MAP2K5: variants seen among roughly 807,000 people sequenced by gnomAD.
The protein encoded by MAP2K5 is mitogen-activated protein kinase kinase 5, also known as dual specificity mitogen-activated protein kinase kinase 5.
In MAP2K5, 49 loss-of-function variants were observed where a neutral mutation model predicts 83.1. The ratio of observed to expected loss-of-function variants is 0.59; its 90% CI spans 0.47 to 0.75. The LOEUF is 0.75. MAP2K5 is among the 30% of genes least tolerant of loss of function. MAP2K5 has a pLI of 0.00. For synonymous variants in MAP2K5, 202 were observed against 191.8 expected, an observed-to-expected ratio of 1.05 and a Z score of -0.44; for missense variants, 457 against 557.5, an observed-to-expected ratio of 0.82 and a Z score of 1.82.
intron 17 of MAP2K5, among the ~76,000 whole-genome samples, chr15:67,741,981 G>A (rs1188265829): frequency 6.6e-6 from 1 of 150,716 alleles, no homozygotes; most frequent in African/African-American, 2.4e-5. Context: ...TGCAAACTCT[G>A]CCTCCCAGGT....
intron 16 of MAP2K5, among the ~76,000 whole-genome samples, chr15:67,704,699 C>T (rs1739058752): frequency 1.3e-5 from 2 of 152,170 alleles, no homozygotes; most frequent in South Asian, 4.1e-4. Context: ...GTGGTCAGAT[C>T]TCAGAACTGA....
In MAP2K5 at chr15:67,587,894, A is replaced by G. The variant is rs538225778; in HGVS notation, c.431+981A>G. 3.3e-5 allele frequency among the ~76,000 whole-genome samples: 5 copies of G among 152,182 alleles called. No homozygotes were observed. The highest frequency in any genetic ancestry group is 2.6e-4 in the Admixed American group (4 of 15,286). ...CACTTGTGGGTTCTACCTTCTGAGT[A>G]GCTCTGCGTCTTTCTACTCGCCAGC... On this transcript the variant is annotated intron_variant, in intron 6 of 21. Coordinates refer to ENST00000178640, the MANE Select transcript of MAP2K5 (RefSeq NM_145160.3). The surrounding 1 kb of genome is among the most constrained non-coding windows in gnomAD (Gnocchi z 4.8).
chr15:67,674,021 G>C (rs1216765726), intron 13 of MAP2K5, among the ~76,000 whole-genome samples: 4 of 152,016 alleles, frequency 2.6e-5, no homozygotes, highest in Non-Finnish European at 5.9e-5. Flanking sequence ...GCTAATTTTT[G>C]TATTTTTAGT....
At chr15:67,732,791 G>A (rs1028418697) in intron 17 of MAP2K5, among the ~76,000 whole-genome samples, 9 of 151,996 alleles carry the variant, frequency 5.9e-5, no homozygotes, top group South Asian at 2.1e-4. Flanking sequence ...TGTAGTGATC[G>A]TACTTCCGGA....
chr15:67,772,228 C>T (rs551777147), intron 20 of MAP2K5, among the ~76,000 whole-genome samples: 10 of 152,178 alleles, frequency 6.6e-5, no homozygotes, highest in African/African-American at 2.4e-4. Context: ...TACTTCTTGT[C>T]ATTCGGAGTA....
intron 13 of MAP2K5, among the ~76,000 whole-genome samples, chr15:67,687,862 T>C (rs1183514023): frequency 1.3e-5 from 2 of 151,976 alleles, no homozygotes; most frequent in East Asian, 1.9e-4. Context: ...TATGCATTCA[T>C]GGAGCTTCCC....
chr15:67,545,211 C>T (rs2084367340), intron 1 of MAP2K5, among the ~76,000 whole-genome samples: 1 of 152,198 alleles, frequency 6.6e-6, no homozygotes, highest in African/African-American at 2.4e-5. Flanking sequence ...TCTGTGTCGT[C>T]ACAGCTTTGT....
At position 67,665,950 on chromosome 15, in the gene MAP2K5, C is replaced by T. The variant is rs940311033; in HGVS notation, c.847+1305C>T. Among the ~76,000 whole-genome samples, 3 of 152,110 alleles carry T rather than the reference C, an allele frequency of 2.0e-5. No homozygotes were observed. Among genetic ancestry groups the T allele is most frequent in the African/African-American group, 4.8e-5 (2 of 41,428 alleles). On this transcript the variant is annotated intron_variant, in intron 13 of 21. Coordinates refer to ENST00000178640, the MANE Select transcript of MAP2K5 (RefSeq NM_145160.3). This position sits in a 1 kb window ranked among gnomAD's most constrained non-coding sequence, Gnocchi z 4.2. ...TTTCTATTCCCTGTACTCCTACCTC[C>T]GCACACCCAGCTACCGGTAAAGTGG... is the stretch of plus-strand genomic sequence containing the variant.
At position 67,548,174 on chromosome 15, in the gene MAP2K5, G is replaced by A. The variant is rs2583593; in HGVS notation, c.136-1860G>A. Reference sequence around the variant, plus strand: ...GTCTGCTATTCCTAAGTAGGAAGGAGCCTAAATTAATTTGCTAACACTATA... The same window carrying A: ...GTCTGCTATTCCTAAGTAGGAAGGAACCTAAATTAATTTGCTAACACTATA... On this transcript the variant is annotated intron_variant, in intron 1 of 21. Transcript: ENST00000178640. Among the ~76,000 whole-genome samples, 1,141 of 152,294 alleles carry A rather than the reference G, an allele frequency of 7.5e-3. 12 individuals carry two copies. The highest frequency in any genetic ancestry group is 0.024 in the African/African-American group (1,009 of 41,558).
At chr15:67,771,675 A>T (rs558515713) in intron 20 of MAP2K5, among the ~76,000 whole-genome samples, 4 of 152,286 alleles carry the variant, frequency 2.6e-5, no homozygotes, top group Non-Finnish European at 5.9e-5. Context: ...GCATATGGTT[A>T]TTTATAGGGA....
At chr15:67,754,068 A>G (rs1297737129) in intron 19 of MAP2K5, among the ~76,000 whole-genome samples, 2 of 152,206 alleles carry the variant, frequency 1.3e-5, no homozygotes, top group Non-Finnish European at 2.9e-5. Flanking sequence ...CACATATTCT[A>G]TGAAATGTCC....
rs958954908 is a variant in MAP2K5 at position 67,592,065 on chromosome 15, C to T, written c.432-861C>T. 2.4e-4 allele frequency among the ~76,000 whole-genome samples: 34 copies of T among 143,210 alleles called. 1 individual carries two copies. Among genetic ancestry groups the T allele is most frequent in the African/African-American group, 7.0e-4 (27 of 38,640 alleles). The allele number at this position is 143,210 out of a possible 152,430, so 94.0% of individuals were successfully genotyped here. ...GGTGGAGGTTGTGGTGAGCCGAGAT[C>T]GCACCATTGTACTTTGCACTCCAGT... On this transcript the variant is annotated intron_variant, in intron 6 of 21. Coordinates refer to ENST00000178640, the MANE Select transcript of MAP2K5 (RefSeq NM_145160.3).
rs781007560 is a variant in MAP2K5 at position 67,764,254 on chromosome 15, C to G, written c.1135-5348C>G. On this transcript the variant is annotated intron_variant, in intron 19 of 21. Transcript: ENST00000178640. The surrounding 1 kb of genome is among the most constrained non-coding windows in gnomAD (Gnocchi z 4.9). ...GTATGCATAAGGTTTGAAGGAATGTCTGTTTTGTATAAGGAGAAGGGAACA... is the reference window on the plus strand; with the variant it reads ...GTATGCATAAGGTTTGAAGGAATGTGTGTTTTGTATAAGGAGAAGGGAACA... Among the ~76,000 whole-genome samples the G allele has an allele frequency of 2.0e-5, 3 of 152,200 alleles. No individual in the cohort carries two copies. The highest frequency in any genetic ancestry group is 4.4e-5 in the Non-Finnish European group (3 of 68,040).
At chr15:67,721,334 G>A (rs752389469) in intron 16 of MAP2K5, among the ~76,000 whole-genome samples, 1 of 152,056 alleles carries the variant, frequency 6.6e-6, no homozygotes, top group Non-Finnish European at 1.5e-5. Context: ...TTATATCAGT[G>A]GACTTTGGTG....
At chr15:67,643,944 A>G (rs2086774909) in intron 9 of MAP2K5, among the ~76,000 whole-genome samples, 1 of 152,208 alleles carries the variant, frequency 6.6e-6, no homozygotes, top group African/African-American at 2.4e-5. Flanking sequence ...TTCAGTTGTA[A>G]TACAAAATGT....
chr15:67,732,691 G>A (rs1382345439), intron 17 of MAP2K5, among the ~76,000 whole-genome samples: 2 of 150,090 alleles, frequency 1.3e-5, no homozygotes, highest in African/African-American at 4.9e-5. Context: ...CCGACTCCCC[G>A]CTGCTGCAGT....
chr15:67,700,779 A>G (rs556121782), intron 15 of MAP2K5, among the ~76,000 whole-genome samples: 2 of 152,096 alleles, frequency 1.3e-5, no homozygotes, highest in East Asian at 3.9e-4. Flanking sequence ...ATTTTTGCTC[A>G]AACACTGCAT....
chr15:67,649,175 T>A (rs1274800173), intron 11 of MAP2K5, among the ~76,000 whole-genome samples: 2 of 152,206 alleles, frequency 1.3e-5, no homozygotes, highest in Non-Finnish European at 2.9e-5. Context: ...TTATTGGCCA[T>A]TTGTATACCT....
chr15:67,806,710 G>A lies in MAP2K5; in HGVS notation c.1307G>A (p.Arg436Gln), dbSNP rs1246372955. The change falls in exon 22 of 22, where the codon CGG becomes CAG. Residue 436 changes from arginine to glutamine, a missense_variant. Arg to Gln is a conservative substitution (Grantham distance 43). Around this residue, in one of 3 missense-constraint regions of MAP2K5, gnomAD observed 55 missense variants for 50.9 expected, o/e 1.08. Coordinates refer to ENST00000178640, the MANE Select transcript of MAP2K5 (RefSeq NM_145160.3). ...NAAVVSMWVC[R>Q]ALEERRSQQG... ...GCCGTGGTGTCCATGTGGGTGTGCC[G>A]GGCGCTGGAGGAGAGGCGGAGCCAG... The A allele has an allele frequency of 1.9e-5, 29 of 1,551,904 alleles. No individual in the cohort carries two copies. Among genetic ancestry groups the A allele is most frequent in the Admixed American group, 9.8e-5 (5 of 51,224 alleles).
Sources: gnomAD v4.1 joint callset for allele counts (sites outside exome capture counted in the v4.1 genomes callset) on GRCh38, gnomAD v4.1.1 for gene constraint, gnomAD v4.1.1 regional missense constraint, Gnocchi (gnomAD v3.1) non-coding constraint, MANE v1.5 for transcripts, NCBI Gene and HGNC (gene_info 2026-07-23, HGNC 2026-07-21) for gene names.